SGK1: variants seen among roughly 807,000 people sequenced by gnomAD.
SGK1 encodes serum/glucocorticoid regulated kinase 1, also known as serine/threonine-protein kinase Sgk1.
Under a neutral mutation model 64.2 loss-of-function variants are expected in SGK1, and 26 were observed. The observed-to-expected ratio is 0.40, with a 90% CI of 0.30 to 0.56. The LOEUF is 0.56. SGK1 is among the 20% of genes least tolerant of loss of function. The pLI, the probability that SGK1 is intolerant of heterozygous loss-of-function variation, is 0.38. For missense variants in SGK1, 519 were observed against 645.6 expected, an observed-to-expected ratio of 0.80 and a Z score of 2.12; for synonymous variants, 265 against 239.7, an observed-to-expected ratio of 1.11 and a Z score of -0.98.
intron 5 of SGK1, 160 bp from the exon 6 acceptor site, chr6:134,173,726 T>C (rs1030854730): frequency 3.2e-6 from 2 of 620,108 alleles, no homozygotes; most frequent in Admixed American, 3.3e-5. Flanking sequence ...TTCAAATGAG[T>C]ATGGAAACTG....
At chr6:134,303,861 G>A (rs1451440114) in intron 1 of SGK1, among the ~76,000 whole-genome samples, 2 of 152,090 alleles carry the variant, frequency 1.3e-5, no homozygotes, top group African/African-American at 4.8e-5. Flanking sequence ...CATATTGAGA[G>A]GTGAAGTTTA....
intron 4 of SGK1, 135 bp from the exon 5 acceptor site, chr6:134,174,215 T>A (rs565869822): frequency 1.5e-6 from 1 of 645,278 alleles, no homozygotes; most frequent in East Asian, 2.7e-5. Context: ...CCCAATACAT[T>A]AGTCAGTTAA....
At position 134,174,896 on chromosome 6, in the gene SGK1, A is replaced by C; in HGVS notation, c.362-310T>G. ...GGCCGCGCGCTCGGCCTTATAAAAA[A>C]GGCACCGCCGCGGGGGCGGGGCCTG... On this transcript the variant is annotated intron_variant, in intron 3 of 13. Coordinates refer to ENST00000367858, the MANE Select transcript of SGK1 (RefSeq NM_001143676.3). 1.9e-6 allele frequency: 3 copies of C among 1,584,890 alleles called. No homozygotes were observed. The African/African-American group carries it at 4.1e-5, about 21-fold the overall frequency.
intron 3 of SGK1, among the ~76,000 whole-genome samples, chr6:134,186,935 G>A (rs980394372): frequency 2.6e-5 from 4 of 151,794 alleles, no homozygotes; most frequent in Non-Finnish European, 5.9e-5. Context: ...TCCTGCCTCA[G>A]CCTCCCGAGT....
chr6:134,286,970 T>C (rs889281531), intron 1 of SGK1, among the ~76,000 whole-genome samples: 1 of 152,136 alleles, frequency 6.6e-6, no homozygotes, highest in Non-Finnish European at 1.5e-5. Flanking sequence ...GTTTTGTCTC[T>C]ACAGTATTTT....
intron 1 of SGK1, among the ~76,000 whole-genome samples, chr6:134,300,324 G>A (rs1482697807): frequency 6.6e-6 from 1 of 151,800 alleles, no homozygotes; most frequent in African/African-American, 2.4e-5. Context: ...AGATCACGAG[G>A]TCAGAAGATT....
intron 2 of SGK1, chr6:134,260,730 G>A (rs932073348): frequency 6.6e-6 from 1 of 150,710 alleles, no homozygotes. Flanking sequence ...GCGACATTGC[G>A]TGATAACTCA....
chr6:134,284,035 G>A (rs1388644969), intron 1 of SGK1, among the ~76,000 whole-genome samples: 1 of 151,760 alleles, frequency 6.6e-6, no homozygotes, highest in South Asian at 2.1e-4. Flanking sequence ...TTCATCTGGG[G>A]TATTATGCTA....
chr6:134,170,904 C>T lies in SGK1; in HGVS notation c.1335G>A (p.Lys445=). 1 of 1,611,560 alleles carries T rather than the reference C, an allele frequency of 6.2e-7. No homozygotes were observed. The highest frequency in any genetic ancestry group is 8.5e-7 in the Non-Finnish European group (1 of 1,177,780). The change falls in exon 13 of 14, where the codon AAG becomes AAA. Residue 445 remains lysine, a synonymous_variant. Coordinates refer to ENST00000367858, the MANE Select transcript of SGK1 (RefSeq NM_001143676.3). ...LGAKDDFMEI[K]SHVFFSLINW... ...TAATTAAGGAGAAGAAGACATGACT[C>T]TTAATCTCCATCTGTTGATAAGAAA...
intron 2 of SGK1, among the ~76,000 whole-genome samples, chr6:134,258,479 C>T (rs572791547): frequency 3.3e-5 from 5 of 152,210 alleles, no homozygotes; most frequent in East Asian, 1.9e-4. Flanking sequence ...CCGAGGCAGG[C>T]GAATCACCTG....
At chr6:134,265,909 C>T (rs1357493262) in intron 1 of SGK1, among the ~76,000 whole-genome samples, 1 of 151,814 alleles carries the variant, frequency 6.6e-6, no homozygotes, top group African/African-American at 2.4e-5. Context: ...TCCCAAAATG[C>T]TGGGATTACA....
intron 2 of SGK1, among the ~76,000 whole-genome samples, chr6:134,223,375 A>G (rs973893390): frequency 2.0e-5 from 3 of 152,138 alleles, no homozygotes; most frequent in African/African-American, 7.2e-5. Flanking sequence ...TCTCAAAAAA[A>G]AAAAAGGGAT....
In SGK1 at chr6:134,224,236, A is replaced by G. The variant is rs1438847705; in HGVS notation, c.286-16805T>C. Among the ~76,000 whole-genome samples the G allele has an allele frequency of 7.2e-5, 11 of 152,256 alleles. No homozygotes were observed. The East Asian group carries it at 2.1e-3, about 29-fold the overall frequency. The stretch of plus-strand genomic sequence containing the variant: ...GGGTTAGCATTTAGGCAAGTTAATC[A>G]TACATCTCGACAATGATTCTTTATC... On this transcript the variant is annotated intron_variant, in intron 2 of 13. Coordinates refer to ENST00000367858, the MANE Select transcript of SGK1 (RefSeq NM_001143676.3).
chr6:134,228,785 G>A (rs191667214), intron 2 of SGK1, among the ~76,000 whole-genome samples: 2 of 152,004 alleles, frequency 1.3e-5, no homozygotes, highest in Admixed American at 6.5e-5. Flanking sequence ...GATCCCCCAT[G>A]GAGAATTTCA....
intron 3 of SGK1, among the ~76,000 whole-genome samples, chr6:134,177,238 AAC>A (rs1491343556): frequency 1.8e-5 from 2 of 111,510 alleles, no homozygotes; most frequent in Non-Finnish European, 4.0e-5. Flanking sequence ...ACAAAAACAA[AAC>A]AAAAACAAAA....
chr6:134,173,423 G>C (rs750016238), intron 6 of SGK1, 39 bp downstream of exon 6: 2 of 1,577,516 alleles, frequency 1.3e-6, no homozygotes, highest in Admixed American at 1.7e-5. Flanking sequence ...AAGAGGACAT[G>C]AAGGAAGTGT....
intron 2 of SGK1, chr6:134,230,508 G>C (rs1776260078): frequency 6.6e-6 from 1 of 152,106 alleles, no homozygotes; most frequent in Non-Finnish European, 1.5e-5. Flanking sequence ...CCGAGAAAGG[G>C]GAAAGAGCCT....
intron 1 of SGK1, among the ~76,000 whole-genome samples, chr6:134,286,967 C>T (rs1777192922): frequency 6.6e-6 from 1 of 151,870 alleles, no homozygotes; most frequent in Non-Finnish European, 1.5e-5. Context: ...TTTGTTTTGT[C>T]TCTACAGTAT....
intron 4 of SGK1, 107 bp from the exon 5 acceptor site, chr6:134,174,187 T>C (rs1775133277): frequency 1.3e-6 from 1 of 765,848 alleles, no homozygotes; most frequent in Non-Finnish European, 2.2e-6. Context: ...GATAATTCAC[T>C]GTTTAAACTG....
Sources: gnomAD v4.1 joint callset for allele counts (sites outside exome capture counted in the v4.1 genomes callset) on GRCh38, gnomAD v4.1.1 for gene constraint, MANE v1.5 for transcripts, NCBI Gene and HGNC (gene_info 2026-07-23, HGNC 2026-07-21) for gene names.